The following DYNC1H1 variants were observed in gnomAD, a reference collection of about 807,000 sequenced individuals.
DYNC1H1 encodes the protein dynein cytoplasmic 1 heavy chain 1, also known as cytoplasmic dynein 1 heavy chain 1.
DYNC1H1 carries 51 observed loss-of-function variants against 527.1 expected under a neutral mutation model. That is an observed-to-expected ratio of 0.10 (90% CI 0.08 to 0.12). DYNC1H1 has a LOEUF of 0.12. Among genes scored for constraint, DYNC1H1 ranks in the 10% least tolerant of loss-of-function variants. The probability of loss-of-function intolerance (pLI) is 1.00; values close to 1 mark genes in which losing one functional copy is unlikely to be tolerated. For synonymous variants in DYNC1H1, 2,189 were observed against 2,278.8 expected (o/e 0.96, Z 1.12); for missense variants, 2,771 against 5,971.8 (o/e 0.46, Z 17.66).
rs750420980 is a variant in DYNC1H1 at position 102,017,029 on chromosome 14, C to T, written c.7848+30C>T. 1.9e-6 allele frequency: 3 copies of T among 1,614,210 alleles called. No homozygotes were observed. The highest frequency in any genetic ancestry group is 2.5e-6 in the Non-Finnish European group (3 of 1,180,024). ...AGAGGCCAGGAGGTGGGCAGCAGACCTTTTGGTGCTGAGCATGGGGTTGGT... is the reference window on the plus strand; with the variant it reads ...AGAGGCCAGGAGGTGGGCAGCAGACTTTTTGGTGCTGAGCATGGGGTTGGT... On this transcript the variant is annotated intron_variant, in intron 38 of 77. Coordinates refer to ENST00000360184, the MANE Select transcript of DYNC1H1 (RefSeq NM_001376.5). The surrounding 1 kb of genome is among the most constrained non-coding windows in gnomAD (Gnocchi z 4.6).
At position 102,012,314 on chromosome 14, in the gene DYNC1H1, G is replaced by A. The variant is rs147061741; in HGVS notation, c.6858G>A (p.Lys2286=). Residue 2286 remains lysine (K), a splice_region_variant and synonymous_variant, in exon 34 of 78, where the codon AAG becomes AAA. Transcript: ENST00000360184. This position sits in a 1 kb window ranked among gnomAD's most constrained non-coding sequence, Gnocchi z 4.9. The part of the protein sequence containing the change: ...TDGLFTHVLR[K]IIDSVRGELQ... ...CTATTTTAAAATCCTTCCCAACCAG[G>A]ATCATCGACAGCGTGAGAGGCGAGC... 1 of 1,614,080 alleles carries A rather than the reference G, an allele frequency of 6.2e-7. No individual in the cohort carries two copies. The highest frequency in any genetic ancestry group is 1.3e-5 in the African/African-American group (1 of 74,920).
Position 101,997,274 on chromosome 14 carries a change from G to A in DYNC1H1, c.3804G>A (p.Thr1268=), listed in dbSNP as rs757595764. 8.1e-6 allele frequency: 13 copies of A among 1,613,988 alleles called. No homozygotes were observed. The highest frequency in any genetic ancestry group is 1.6e-4 in the Middle Eastern group (1 of 6,082). ...ACTGGGAGAAGACCAAGCCTGTCAC[G>A]GTGAGTCCCGCCAGGTGGGGACGCA... The part of the protein sequence containing the change: ...LTDWEKTKPV[T]GNLRPEEALQ... Residue 1268 remains threonine, a splice_region_variant and synonymous_variant, in exon 16 of 78, where the codon ACG becomes ACA. Transcript: ENST00000360184. This position sits in a 1 kb window ranked among gnomAD's most constrained non-coding sequence, Gnocchi z 4.8.
rs750452823 is a variant in DYNC1H1, at chr14:102,028,150, A to G, written c.9468+9A>G. On this transcript the variant is annotated intron_variant, in intron 48 of 77. Coordinates refer to ENST00000360184, the MANE Select transcript of DYNC1H1 (RefSeq NM_001376.5). Reference sequence around the variant, plus strand: ...ATCAGACTCTTCACCAGGTGGGTTCAGTTTTGAGATCAACAGATAAACCAC... The same window carrying G: ...ATCAGACTCTTCACCAGGTGGGTTCGGTTTTGAGATCAACAGATAAACCAC... 1.2e-6 allele frequency: 2 copies of G among 1,613,892 alleles called. No individual in the cohort carries two copies. Among genetic ancestry groups the G allele is most frequent in the South Asian group, 1.1e-5 (1 of 91,040 alleles).
chr14:101,966,804 A>G (rs1227182808), intron 1 of DYNC1H1, among the ~76,000 whole-genome samples: 1 of 152,126 alleles, frequency 6.6e-6, no homozygotes, highest in Non-Finnish European at 1.5e-5. Context: ...GCATCTTAAA[A>G]TTGGACGTTG....
rs770935362 is a variant in DYNC1H1, at chr14:101,997,304, A to C, written c.3804+30A>C. 6 of 1,613,360 alleles carry C rather than the reference A, an allele frequency of 3.7e-6. No homozygotes were observed. The Admixed American group carries it at 1.0e-4, about 27-fold the overall frequency. ...GTCCCGCCAGGTGGGGACGCAGGAG[A>C]CTCCTCACCCAGCAGTGTGATTTGG... On this transcript the variant is annotated intron_variant, in intron 16 of 77. Transcript: ENST00000360184. The surrounding 1 kb of genome is among the most constrained non-coding windows in gnomAD (Gnocchi z 4.8).
In DYNC1H1 at chr14:102,034,646, A is replaced by G. The variant is rs1567019648; in HGVS notation, c.10754+194A>G. Reference sequence around the variant, plus strand: ...TTGTCAAGTGTCTGAGTTATTCTGCAGTGAATGCTTCTTGTAACCTTCTAA... The same window carrying G: ...TTGTCAAGTGTCTGAGTTATTCTGCGGTGAATGCTTCTTGTAACCTTCTAA... On this transcript the variant is annotated intron_variant, in intron 56 of 77. Transcript: ENST00000360184. 10 of 911,872 alleles carry G rather than the reference A, an allele frequency of 1.1e-5. No homozygotes were observed. The East Asian group carries it at 1.3e-4, about 12-fold the overall frequency. 56.5% of individuals were successfully genotyped at this position (911,872 alleles called of 1,614,324 possible). A position where few individuals can be genotyped will look rare whatever the true frequency, so the allele number is the denominator to read the frequency against.
chr14:102,026,551 G>T, intron 43 of DYNC1H1, 23 bp from the exon 44 acceptor site: 1 of 1,613,412 alleles, frequency 6.2e-7, no homozygotes, highest in Non-Finnish European at 8.5e-7. Flanking sequence ...TAAGTAATTT[G>T]GGTATTACCT....
Position 102,042,475 on chromosome 14 carries a change from C to T in DYNC1H1, c.12367C>T (p.Arg4123Ter). Residue 4123 changes from arginine (R) to a stop codon, truncating the protein, a stop_gained, in exon 68 of 78, where the codon CGA becomes TGA. Coordinates refer to ENST00000360184, the MANE Select transcript of DYNC1H1 (RefSeq NM_001376.5). LOFTEE classifies it high-confidence loss of function. The surrounding 1 kb of genome is among the most constrained non-coding windows in gnomAD (Gnocchi z 5.7). ...TTCCCTGCAGCCGCATGCCTGCTTC[C>T]GACTCTTCCTCACCATGGAGATCAA... ...LHSLQPHACF[R>*]LFLTMEINPK... 2 of 1,614,100 alleles carry T rather than the reference C, an allele frequency of 1.2e-6. No homozygotes were observed. Among genetic ancestry groups the T allele is most frequent in the Non-Finnish European group, 8.5e-7 (1 of 1,180,028 alleles).
chr14:102,018,555 C>A lies in DYNC1H1; in HGVS notation c.8282C>A (p.Ser2761Tyr). The A allele has an allele frequency of 6.2e-7, 1 of 1,614,126 alleles. No homozygotes were observed. The highest frequency in any genetic ancestry group is 8.5e-7 in the Non-Finnish European group (1 of 1,180,044). Residue 2761 changes from serine to tyrosine, a missense_variant, in exon 41 of 78, where the codon TCC (serine) becomes TAC (tyrosine). Coordinates refer to ENST00000360184, the MANE Select transcript of DYNC1H1 (RefSeq NM_001376.5). This position sits in a 1 kb window ranked among gnomAD's most constrained non-coding sequence, Gnocchi z 5.2. The stretch of plus-strand genomic sequence containing the variant: ...CGCGCCATGCTGAGGCTCATTCCAT[C>A]CCTGCGGACGTATGCAGAGCCGCTC... ...FNRAMLRLIP[S>Y]LRTYAEPLTA... is the part of the protein sequence containing the mutation.
In DYNC1H1 at chr14:102,017,050, T is replaced by A. The variant is rs754128572; in HGVS notation, c.7849-38T>A. On this transcript the variant is annotated intron_variant, in intron 38 of 77. Coordinates refer to ENST00000360184, the MANE Select transcript of DYNC1H1 (RefSeq NM_001376.5). The surrounding 1 kb of genome is among the most constrained non-coding windows in gnomAD (Gnocchi z 4.6). ...AGACCTTTTGGTGCTGAGCATGGGGTTGGTCTTACAGTGTGGTTTTGTGTC... is the reference window on the plus strand; with the variant it reads ...AGACCTTTTGGTGCTGAGCATGGGGATGGTCTTACAGTGTGGTTTTGTGTC... 3 of 1,614,008 alleles carry A rather than the reference T, an allele frequency of 1.9e-6. No homozygotes were observed. Among genetic ancestry groups the A allele is most frequent in the Non-Finnish European group, 2.5e-6 (3 of 1,180,016 alleles).
intron 23 of DYNC1H1, among the ~76,000 whole-genome samples, chr14:102,003,718 T>A (rs1206618481): frequency 1.4e-5 from 2 of 141,880 alleles, no homozygotes; most frequent in Non-Finnish European, 3.1e-5. Flanking sequence ...TCACCTGAGG[T>A]CAGTTTAGGA....
At chr14:101,982,040 C>G (rs1426304591) in intron 5 of DYNC1H1, among the ~76,000 whole-genome samples, 2 of 152,182 alleles carry the variant, frequency 1.3e-5, no homozygotes, top group African/African-American at 2.4e-5. Context: ...CAGAAGGAGG[C>G]CAGCAGCGGC....
chr14:102,016,183 C>T lies in DYNC1H1; in HGVS notation c.7473+97C>T. The T allele has an allele frequency of 6.6e-7, 1 of 1,516,844 alleles. No individual in the cohort carries two copies. Among genetic ancestry groups the T allele is most frequent in the South Asian group, 1.2e-5 (1 of 83,478 alleles). The allele number at this position is 1,516,844 out of a possible 1,614,324, so 94.0% of individuals were successfully genotyped here. ...CTGCACCTGTGGGGATGTGCGCTCT[C>T]TCCTAGGCGAGGCAGAGCCTTCGTT... is the stretch of plus-strand genomic sequence containing the variant. On this transcript the variant is annotated intron_variant, in intron 36 of 77. Coordinates refer to ENST00000360184, the MANE Select transcript of DYNC1H1 (RefSeq NM_001376.5). This position sits in a 1 kb window ranked among gnomAD's most constrained non-coding sequence, Gnocchi z 7.3.
intron 17 of DYNC1H1, 48 bp downstream of exon 17, chr14:102,000,192 C>T (rs769906598): frequency 4.3e-6 from 7 of 1,614,136 alleles, no homozygotes; most frequent in South Asian, 2.2e-5. Flanking sequence ...CCCACCCGGA[C>T]TCTGCCATTG....
intron 72 of DYNC1H1, among the ~76,000 whole-genome samples, chr14:102,046,988 TCTCA>T (rs1222498011): frequency 6.6e-6 from 1 of 152,030 alleles, no homozygotes; most frequent in African/African-American, 2.4e-5. Context: ...GAGATGAGGG[TCTCA>T]CTATGTTGCC....
intron 74 of DYNC1H1, 147 bp downstream of exon 74, chr14:102,048,816 G>A: frequency 2.3e-6 from 1 of 443,674 alleles, no homozygotes; most frequent in South Asian, 1.9e-5. Context: ...CCCTCAAGGT[G>A]GGCGGGGGGA....
chr14:102,013,248 CAAAAAAAA>C (rs57229386), intron 34 of DYNC1H1, among the ~76,000 whole-genome samples: 1 of 41,312 alleles, frequency 2.4e-5, no homozygotes, highest in Admixed American at 3.0e-4. Flanking sequence ...GACTCCGTCT[CAAAAAAAA>C]AAAAAAAAAA....
rs1007634709 is a variant in DYNC1H1 at position 101,993,564 on chromosome 14, G to A, written c.3016-620G>A. Among the ~76,000 whole-genome samples, 5 of 152,096 alleles carry A rather than the reference G, an allele frequency of 3.3e-5. No homozygotes were observed. The South Asian group carries it at 6.2e-4, about 19-fold the overall frequency. ...AGTCTTGCTGGTCCTCAAACATGCCGGTAGACTCTTGCCCCTGCGCCTTCA... is the reference window on the plus strand; with the variant it reads ...AGTCTTGCTGGTCCTCAAACATGCCAGTAGACTCTTGCCCCTGCGCCTTCA... On this transcript the variant is annotated intron_variant, in intron 11 of 77. Coordinates refer to ENST00000360184, the MANE Select transcript of DYNC1H1 (RefSeq NM_001376.5).
chr14:102,046,771 A>G (rs2048725347), intron 72 of DYNC1H1, among the ~76,000 whole-genome samples: 1 of 149,860 alleles, frequency 6.7e-6, no homozygotes, highest in African/African-American at 2.5e-5. Context: ...GCCTTCCTTG[A>G]GTCTTTGGAC....
Sources: allele counts gnomAD v4.1 joint callset (sites outside exome capture counted in the v4.1 genomes callset), GRCh38; gene constraint gnomAD v4.1.1; non-coding constraint Gnocchi (gnomAD v3.1); transcripts MANE v1.5; gene names NCBI Gene and HGNC (gene_info 2026-07-23, HGNC 2026-07-21).